The following ADGRV1 variants were observed in gnomAD, a reference collection of about 807,000 sequenced individuals.
ADGRV1 encodes adhesion G protein-coupled receptor V1.
In ADGRV1, 359 loss-of-function variants were observed where a neutral mutation model predicts 596.2. The ratio of observed to expected loss-of-function variants is 0.60; its 90% CI spans 0.55 to 0.66. The LOEUF (loss-of-function observed/expected upper bound fraction) is 0.66, where lower values mean the gene tolerates loss of function less well. Ranked by LOEUF, ADGRV1 falls within the 30% of genes least tolerant of loss-of-function variation. ADGRV1 has a pLI of 0.00. For missense variants in ADGRV1, 7,274 were observed against 7,575.6 expected, an observed-to-expected ratio of 0.96 and a Z score of 1.48; for synonymous variants, 2,681 against 2,679.2, an observed-to-expected ratio of 1.00 and a Z score of -0.02.
chr5:90,934,794 A>C (rs554220972), intron 83 of ADGRV1, among the ~76,000 whole-genome samples: 3 of 152,254 alleles, frequency 2.0e-5, no homozygotes, highest in African/African-American at 7.2e-5. Context: ...TACAAAGTAG[A>C]TTTTATTCTG....
At chr5:90,910,697 CAG>C (rs1297506569) in intron 83 of ADGRV1, among the ~76,000 whole-genome samples, 2 of 151,786 alleles carry the variant, frequency 1.3e-5, no homozygotes, top group East Asian at 3.9e-4. Flanking sequence ...AAAAAGTTTT[CAG>C]GGGATTATTC....
chr5:91,104,860 C>CTTTTTTTTTT (rs60957930), intron 87 of ADGRV1, among the ~76,000 whole-genome samples: 4 of 125,996 alleles, frequency 3.2e-5, no homozygotes, highest in Non-Finnish European at 6.5e-5. Flanking sequence ...CTTTTCTTTT[C>CTTTTTTTTTT]TTTTTTTTTT....
chr5:91,131,665 T>G (rs1223101796), intron 87 of ADGRV1, among the ~76,000 whole-genome samples: 1 of 152,136 alleles, frequency 6.6e-6, no homozygotes, highest in African/African-American at 2.4e-5. Flanking sequence ...GTTGATTTGT[T>G]TAAGTTACTT....
chr5:90,709,001 T>G (rs1374678772), intron 39 of ADGRV1, 92 bp downstream of exon 39: 8 of 854,960 alleles, frequency 9.4e-6, no homozygotes, highest in Non-Finnish European at 1.2e-5. Flanking sequence ...TTGTGCTGTT[T>G]TGTTAATCTT....
intron 38 of ADGRV1, among the ~76,000 whole-genome samples, chr5:90,707,545 T>G (rs1748767675): frequency 6.6e-6 from 1 of 152,186 alleles, no homozygotes; most frequent in Non-Finnish European, 1.5e-5. Flanking sequence ...TATAACAGTA[T>G]AAAAATTCCA....
intron 77 of ADGRV1, among the ~76,000 whole-genome samples, chr5:90,837,414 T>C (rs1343243177): frequency 6.6e-6 from 1 of 150,508 alleles, no homozygotes; most frequent in Non-Finnish European, 1.5e-5. Flanking sequence ...CCTGTCGCCC[T>C]GGCTGGAGTG....
At chr5:90,978,620 T>A (rs545129486) in intron 84 of ADGRV1, among the ~76,000 whole-genome samples, 1 of 152,154 alleles carries the variant, frequency 6.6e-6, no homozygotes, top group Non-Finnish European at 1.5e-5. Context: ...CTGGTTGAGG[T>A]GATGGATACC....
intron 89 of ADGRV1, among the ~76,000 whole-genome samples, chr5:91,161,350 A>T (rs1165802608): frequency 6.6e-6 from 1 of 152,192 alleles, no homozygotes; most frequent in Non-Finnish European, 1.5e-5. Flanking sequence ...AGCATTATTT[A>T]TGGTAGTCCA....
rs146526977 is a variant in ADGRV1 at position 90,694,623 on chromosome 5, G to A, written c.7867G>A (p.Glu2623Lys). The change falls in exon 33 of 90, where the codon GAA (glutamate) becomes AAA (lysine). Residue 2623 changes from glutamate (E) to lysine (K), a missense_variant. Glu to Lys is a moderately conservative substitution (Grantham distance 56). This residue lies in a region of ADGRV1 where 3,643 missense variants were observed against 3,809.2 expected (regional missense o/e 0.96). Coordinates refer to ENST00000405460, the MANE Select transcript of ADGRV1 (RefSeq NM_032119.4). ...GGGCAGCTTAGGTCAAGTGGCAGTC[G>A]AATGGCGTGTTGTTGGTGGAACAGC... The part of the protein sequence containing the change: ...TGGSLGQVAV[E>K]WRVVGGTATE... 234 of 1,613,676 alleles carry A rather than the reference G, an allele frequency of 1.5e-4. No individual in the cohort carries two copies. The highest frequency in any genetic ancestry group is 6.3e-4 in the African/African-American group (47 of 74,996).
intron 75 of ADGRV1, among the ~76,000 whole-genome samples, chr5:90,818,006 C>G (rs372331089): frequency 6.0e-4 from 91 of 151,954 alleles, no homozygotes; most frequent in South Asian, 1.3e-3. Context: ...ACCTTGGGCA[C>G]TATGGCCATT....
chr5:90,974,933 A>C (rs1374000198), intron 84 of ADGRV1, among the ~76,000 whole-genome samples: 2 of 152,194 alleles, frequency 1.3e-5, no homozygotes, highest in Non-Finnish European at 2.9e-5. Context: ...ATGGTAGAAA[A>C]GTTTTGCAAC....
intron 89 of ADGRV1, among the ~76,000 whole-genome samples, chr5:91,157,328 A>G (rs1454715694): frequency 1.3e-5 from 2 of 152,224 alleles, no homozygotes; most frequent in African/African-American, 4.8e-5. Context: ...TTTCCACTAT[A>G]TCATACATTT....
At chr5:90,874,637 G>A (rs369591339) in intron 83 of ADGRV1, among the ~76,000 whole-genome samples, 25 of 151,988 alleles carry the variant, frequency 1.6e-4, no homozygotes, top group East Asian at 9.7e-4. Context: ...TGAGATGGGC[G>A]GATCACGAGG....
intron 33 of ADGRV1, among the ~76,000 whole-genome samples, chr5:90,695,729 T>C (rs1479847389): frequency 6.6e-6 from 1 of 152,142 alleles, no homozygotes; most frequent in Non-Finnish European, 1.5e-5. Context: ...TTAAAAATTG[T>C]ATAAAATATT....
chr5:90,971,837 A>T (rs1016261743), intron 84 of ADGRV1, among the ~76,000 whole-genome samples: 34 of 152,354 alleles, frequency 2.2e-4, no homozygotes, highest in African/African-American at 7.9e-4. Context: ...ACAGGATCAG[A>T]TTCACACATA....
chr5:90,653,599 C>A lies in ADGRV1; in HGVS notation c.4025C>A (p.Pro1342Gln), dbSNP rs1274018114. 6.2e-7 allele frequency: 1 copy of A among 1,613,636 alleles called. No homozygotes were observed. The highest frequency in any genetic ancestry group is 8.5e-7 in the Non-Finnish European group (1 of 1,179,824). The change falls in exon 20 of 90, where the codon CCA (proline) becomes CAA (glutamine). Residue 1342 changes from proline to glutamine, a missense_variant. By Grantham distance (76) the Pro-to-Gln change is moderately conservative (BLOSUM62 -1). Around this residue, in one of 5 missense-constraint regions of ADGRV1, gnomAD observed 1,715 missense variants for 1,708.8 expected, o/e 1.00. Transcript: ENST00000405460. Reference protein sequence around the residue: ...GLEGAFGTVNPKYHPSRNNTI... With the variant: ...GLEGAFGTVNQKYHPSRNNTI... ...GAGGGTGCATTTGGGACTGTTAATC[C>A]AAAATACCATCCCTCCAGGAATAAT...
At chr5:90,733,747 G>A (rs1752848125) in intron 50 of ADGRV1, among the ~76,000 whole-genome samples, 1 of 152,186 alleles carries the variant, frequency 6.6e-6, no homozygotes, top group South Asian at 2.1e-4. Flanking sequence ...ATTAAATCAA[G>A]CTATTAACAT....
At chr5:90,905,378 C>T (rs1416121410) in intron 83 of ADGRV1, among the ~76,000 whole-genome samples, 1 of 151,866 alleles carries the variant, frequency 6.6e-6, no homozygotes, top group African/African-American at 2.4e-5. Context: ...CATGGAATAT[C>T]TCTCATTTTT....
At chr5:91,131,836 G>T (rs1313484291) in intron 87 of ADGRV1, among the ~76,000 whole-genome samples, 3 of 152,032 alleles carry the variant, frequency 2.0e-5, no homozygotes, top group African/African-American at 7.2e-5. Flanking sequence ...TGTTACGTTT[G>T]CTTTTGAGGA....
Sources: gnomAD v4.1 joint callset for allele counts (sites outside exome capture counted in the v4.1 genomes callset) on GRCh38, gnomAD v4.1.1 for gene constraint, gnomAD v4.1.1 regional missense constraint, MANE v1.5 for transcripts, NCBI Gene and HGNC (gene_info 2026-07-23, HGNC 2026-07-21) for gene names.